LAPTM5: variants seen among roughly 807,000 people sequenced by gnomAD.
The protein encoded by LAPTM5 is lysosomal-associated transmembrane protein 5.
Under a neutral mutation model 30.1 loss-of-function variants are expected in LAPTM5, and 11 were observed. That is an observed-to-expected ratio of 0.37 (90% CI 0.23 to 0.60). The LOEUF is 0.60. LAPTM5 is among the 20% of genes least tolerant of loss of function. The pLI, the probability that LAPTM5 is intolerant of heterozygous loss-of-function variation, is 0.71. For missense variants in LAPTM5, 324 were observed against 332.5 expected (o/e 0.97, Z 0.20); for synonymous variants, 151 against 137.9 (o/e 1.10, Z -0.67).
chr1:30,752,921 C>T (rs1640158825), intron 1 of LAPTM5, among the ~76,000 whole-genome samples: 1 of 152,204 alleles, frequency 6.6e-6, no homozygotes. Context: ...ATTCTCCTGC[C>T]TCAGCCTCCC....
In LAPTM5 at chr1:30,739,105, T is replaced by C; in HGVS notation, c.388-43A>G. ...AAGGAGGAGGAATGAGGAGCAGCAA[T>C]TAAAGTCCCAGTTACTGAGCGGCAC... On this transcript the variant is annotated intron_variant, in intron 4 of 7. Coordinates refer to ENST00000294507, the MANE Select transcript of LAPTM5 (RefSeq NM_006762.3). This position sits in a 1 kb window ranked among gnomAD's most constrained non-coding sequence, Gnocchi z 4.2. The C allele has an allele frequency of 1.9e-6, 3 of 1,555,118 alleles. No individual in the cohort carries two copies. Among genetic ancestry groups the C allele is most frequent in the Non-Finnish European group, 2.6e-6 (3 of 1,148,300 alleles).
At chr1:30,733,995 AC>A (rs1639853301) in intron 7 of LAPTM5, 78 bp from the exon 8 acceptor site, 1 of 1,462,544 alleles carries the variant, frequency 6.8e-7, no homozygotes, top group Non-Finnish European at 9.3e-7. Flanking sequence ...TGGGACCCAA[AC>A]CCCCACCTCT....
At chr1:30,741,962 C>G in intron 2 of LAPTM5, 1 of 403,624 alleles carries the variant, frequency 2.5e-6, no homozygotes, top group Non-Finnish European at 4.5e-6. Context: ...CCACTTCAGC[C>G]AGGGTGAGGC....
At chr1:30,752,604 A>G (rs1049608770) in intron 1 of LAPTM5, among the ~76,000 whole-genome samples, 6 of 151,890 alleles carry the variant, frequency 4.0e-5, no homozygotes, top group Non-Finnish European at 8.8e-5. Flanking sequence ...CAGAATCCCA[A>G]CCTCCAGCCC....
At chr1:30,744,031 T>C (rs893719340) in intron 1 of LAPTM5, among the ~76,000 whole-genome samples, 17 of 152,170 alleles carry the variant, frequency 1.1e-4, no homozygotes, top group Non-Finnish European at 1.5e-5. Context: ...TAGTGAAGAT[T>C]AAATTGCATT....
chr1:30,742,403 G>T, intron 2 of LAPTM5, 53 bp downstream of exon 2: 1 of 1,328,356 alleles, frequency 7.5e-7, no homozygotes, highest in Non-Finnish European at 1.1e-6. Flanking sequence ...CCCTGGCCAG[G>T]GCCCTCCCTG....
At position 30,757,645 on chromosome 1, in the gene LAPTM5, GC is replaced by G. The variant is rs1557471030; in HGVS notation, c.87+13del. The G allele has an allele frequency of 1.9e-6, 3 of 1,611,900 alleles. No individual in the cohort carries two copies. The highest frequency in any genetic ancestry group is 1.3e-5 in the African/African-American group (1 of 74,896). ...AAGCACGCACGCACACACACCCGGG[GC>G]CCGCACACTCACCACATGGTAGATG... is the stretch of plus-strand genomic sequence containing the variant. On this transcript the variant is annotated intron_variant, in intron 1 of 7. Transcript: ENST00000294507.
At chr1:30,756,932 C>A (rs1380522582) in intron 1 of LAPTM5, among the ~76,000 whole-genome samples, 6 of 152,150 alleles carry the variant, frequency 3.9e-5, no homozygotes, top group African/African-American at 1.4e-4. Flanking sequence ...AGCCTTGGCC[C>A]CCGGGCACTG....
chr1:30,757,388 GC>G (rs754807949), intron 1 of LAPTM5, among the ~76,000 whole-genome samples: 3 of 152,236 alleles, frequency 2.0e-5, no homozygotes, highest in Non-Finnish European at 4.4e-5. Context: ...AACGGAGCCA[GC>G]CTCGGAGTGA....
chr1:30,747,232 A>G (rs1640061626), intron 1 of LAPTM5, among the ~76,000 whole-genome samples: 1 of 152,192 alleles, frequency 6.6e-6, no homozygotes, highest in Non-Finnish European at 1.5e-5. Context: ...AGCAGACATC[A>G]TGTGCAAAAG....
rs201831542 is a variant in LAPTM5 at position 30,736,597 on chromosome 1, C to CT, written c.606+1006dup. Among the ~76,000 whole-genome samples, 1,397 of 146,346 alleles carry CT rather than the reference C, an allele frequency of 9.5e-3. 21 individuals carry two copies. The highest frequency in any genetic ancestry group is 0.031 in the African/African-American group (1,234 of 40,144). On this transcript the variant is annotated intron_variant, in intron 6 of 7. Coordinates refer to ENST00000294507, the MANE Select transcript of LAPTM5 (RefSeq NM_006762.3). ...TACAGGCACACGCCACCACATCCAA[C>CT]TTTTTTTTTTTTATGTTTTGTAGAG... is the stretch of plus-strand genomic sequence containing the variant.
chr1:30,742,407 C>T (rs1639983230), intron 2 of LAPTM5, 49 bp downstream of exon 2: 2 of 1,385,528 alleles, frequency 1.4e-6, no homozygotes, highest in Non-Finnish European at 2.0e-6. Context: ...GGCCAGGGCC[C>T]TCCCTGTCCT....
At chr1:30,738,050 C>A (rs1299464990) in intron 5 of LAPTM5, among the ~76,000 whole-genome samples, 2 of 152,182 alleles carry the variant, frequency 1.3e-5, no homozygotes, top group African/African-American at 4.8e-5. Flanking sequence ...TCCACTAATA[C>A]CTGGGAGGTT....
chr1:30,747,395 C>T (rs1013509334), intron 1 of LAPTM5, among the ~76,000 whole-genome samples: 9 of 152,090 alleles, frequency 5.9e-5, no homozygotes, highest in Non-Finnish European at 1.2e-4. Context: ...CCAAAACTGT[C>T]GCAGGGTCAA....
At position 30,746,621 on chromosome 1, in the gene LAPTM5, A is replaced by T. The variant is rs1640050189; in HGVS notation, c.88-4072T>A. 6.6e-6 allele frequency among the ~76,000 whole-genome samples: 1 copy of T among 152,006 alleles called. No individual in the cohort carries two copies. The highest frequency in any genetic ancestry group is 1.5e-5 in the Non-Finnish European group (1 of 67,992). On this transcript the variant is annotated intron_variant, in intron 1 of 7. Transcript: ENST00000294507. This position sits in a 1 kb window ranked among gnomAD's most constrained non-coding sequence, Gnocchi z 4.0. ...ATGCGCAGGCAGACAGCATGCCCTC[A>T]CCCACTTGCTCCCCAATTACAGCAT...
intron 1 of LAPTM5, among the ~76,000 whole-genome samples, chr1:30,747,456 C>A (rs1309673534): frequency 6.6e-6 from 1 of 152,196 alleles, no homozygotes; most frequent in Non-Finnish European, 1.5e-5. Flanking sequence ...GCGGTCCCAG[C>A]CATGCTCAGC....
At chr1:30,747,455 G>C (rs1031660339) in intron 1 of LAPTM5, among the ~76,000 whole-genome samples, 1 of 152,166 alleles carries the variant, frequency 6.6e-6, no homozygotes, top group Non-Finnish European at 1.5e-5. Context: ...TGCGGTCCCA[G>C]CCATGCTCAG....
chr1:30,750,468 A>G (rs1219142452), intron 1 of LAPTM5, among the ~76,000 whole-genome samples: 3 of 152,218 alleles, frequency 2.0e-5, no homozygotes. Context: ...ACCTGCGGAT[A>G]GGGAGGGCCG....
chr1:30,749,473 G>A (rs1008214547), intron 1 of LAPTM5, among the ~76,000 whole-genome samples: 4 of 152,176 alleles, frequency 2.6e-5, no homozygotes, highest in Admixed American at 6.5e-5. Context: ...TTTTCTATAG[G>A]TAAATTATAC....
Sources: allele counts gnomAD v4.1 joint callset (sites outside exome capture counted in the v4.1 genomes callset), GRCh38; gene constraint gnomAD v4.1.1; non-coding constraint Gnocchi (gnomAD v3.1); transcripts MANE v1.5; gene names NCBI Gene and HGNC (gene_info 2026-07-23, HGNC 2026-07-21).